The following STX19 variants were observed in gnomAD, a reference collection of about 807,000 sequenced individuals.
STX19 encodes syntaxin 19.
A neutral mutation model predicts 24.3 loss-of-function variants in STX19; 26 were observed. The ratio of observed to expected loss-of-function variants is 1.07; its 90% CI spans 0.78 to 1.48. STX19 has a LOEUF of 1.48. Among genes scored for constraint, STX19 ranks in the 40% most tolerant of loss-of-function variants. The pLI, the probability that STX19 is intolerant of heterozygous loss-of-function variation, is 0.00. For synonymous variants in STX19, 116 were observed against 106.9 expected, an observed-to-expected ratio of 1.09 and a Z score of -0.52; for missense variants, 367 against 331.9, an observed-to-expected ratio of 1.11 and a Z score of -0.82.
intron 1 of STX19, among the ~76,000 whole-genome samples, chr3:94,027,495 G>A (rs2076582254): frequency 6.6e-6 from 1 of 152,012 alleles, no homozygotes. Flanking sequence ...CAAGTAAGCT[G>A]TACATACATA....
intron 1 of STX19, among the ~76,000 whole-genome samples, chr3:94,022,824 A>G (rs1280264135): frequency 6.6e-6 from 1 of 152,126 alleles, no homozygotes. Context: ...ATCAAGAAAC[A>G]TATAACATTT....
In STX19 at chr3:94,015,117, T is replaced by G. The variant is rs1186505976; in HGVS notation, c.153A>C (p.Leu51=). 15 of 1,613,888 alleles carry G rather than the reference T, an allele frequency of 9.3e-6. No homozygotes were observed. Among genetic ancestry groups the G allele is most frequent in the Non-Finnish European group, 1.2e-5 (14 of 1,179,952 alleles). ...YEREPVAERH[L]HEIQKLQESI... ...TTTCCTGTAGTTTTTGGATTTCATG[T>G]AGGTGTCTCTCAGCTACAGGCTCTC... The change falls in exon 2 of 2, where the codon CTA becomes CTC. Residue 51 remains leucine, a synonymous_variant. Transcript: ENST00000315099.
intron 1 of STX19, among the ~76,000 whole-genome samples, chr3:94,024,417 T>C (rs2076513812): frequency 6.6e-6 from 1 of 152,238 alleles, no homozygotes; most frequent in East Asian, 1.9e-4. Flanking sequence ...AATTAAGTCC[T>C]ATATTTATAC....
intron 1 of STX19, among the ~76,000 whole-genome samples, chr3:94,020,180 T>C (rs569902381): frequency 6.6e-6 from 1 of 152,332 alleles, no homozygotes; most frequent in East Asian, 1.9e-4. Flanking sequence ...GTCTTTATTC[T>C]TTCCCAGCAC....
chr3:94,024,752 A>T (rs981651945), intron 1 of STX19, among the ~76,000 whole-genome samples: 2 of 151,902 alleles, frequency 1.3e-5, no homozygotes, highest in Non-Finnish European at 2.9e-5. Context: ...TGCTTGGCTG[A>T]TTTTTTAAAA....
chr3:94,021,957 A>G (rs904023796), intron 1 of STX19, among the ~76,000 whole-genome samples: 6 of 151,950 alleles, frequency 3.9e-5, no homozygotes, highest in Non-Finnish European at 7.4e-5. Context: ...GCTTCTAAAG[A>G]TATATATCTG....
intron 1 of STX19, among the ~76,000 whole-genome samples, chr3:94,016,578 A>T (rs572602358): frequency 9.2e-5 from 14 of 152,196 alleles, no homozygotes; most frequent in African/African-American, 1.4e-4. Flanking sequence ...TTTCGTATCT[A>T]CAGAGTAGAA....
rs186167230 is a variant in STX19, at chr3:94,024,019, A to C, written c.-14+4348T>G. Among the ~76,000 whole-genome samples the C allele has an allele frequency of 2.6e-5, 4 of 152,344 alleles. No individual in the cohort carries two copies. The East Asian group carries it at 7.7e-4, about 29-fold the overall frequency. On this transcript the variant is annotated intron_variant, in intron 1 of 1. Coordinates refer to ENST00000315099, the MANE Select transcript of STX19 (RefSeq NM_001001850.3). ...AATATTGCATTTTATATTTGGTACTATATGGAGATTGATATTCTTATATTT... is the reference window on the plus strand; with the variant it reads ...AATATTGCATTTTATATTTGGTACTCTATGGAGATTGATATTCTTATATTT...
intron 1 of STX19, 128 bp downstream of exon 1, chr3:94,028,239 C>G (rs927319848): frequency 6.6e-6 from 1 of 152,136 alleles, no homozygotes; most frequent in Non-Finnish European, 1.5e-5. Flanking sequence ...ACTGGTACCC[C>G]GGTCCAAATC....
Position 94,015,013 on chromosome 3 carries a change from C to T in STX19, c.257G>A (p.Ser86Asn). ...KSLVASMRRFSLLKRESTITK... is the reference protein window; with the variant it reads ...KSLVASMRRFNLLKRESTITK... ...AATGGTAGACTCTCTCTTAAGTAGA[C>T]TAAACCTTCTCATTGAAGCCACCAG... Residue 86 changes from serine (S) to asparagine (N), a missense_variant, in exon 2 of 2, where the codon AGT (serine) becomes AAT (asparagine). Coordinates refer to ENST00000315099, the MANE Select transcript of STX19 (RefSeq NM_001001850.3). 1 of 1,614,036 alleles carries T rather than the reference C, an allele frequency of 6.2e-7. No homozygotes were observed. The highest frequency in any genetic ancestry group is 1.1e-5 in the South Asian group (1 of 91,066).
chr3:94,016,383 G>A (rs2107497350), intron 1 of STX19, among the ~76,000 whole-genome samples: 1 of 152,216 alleles, frequency 6.6e-6, no homozygotes, highest in African/African-American at 2.4e-5. Flanking sequence ...TAATCTGGAT[G>A]TTGTCATAGG....
chr3:94,014,938 T>A lies in STX19; in HGVS notation c.332A>T (p.Asp111Val). The A allele has an allele frequency of 6.2e-7, 1 of 1,613,836 alleles. No homozygotes were observed. Among genetic ancestry groups the A allele is most frequent in the South Asian group, 1.1e-5 (1 of 90,962 alleles). The change falls in exon 2 of 2, where the codon GAT becomes GTT. Residue 111 changes from aspartate to valine, a missense_variant. Coordinates refer to ENST00000315099, the MANE Select transcript of STX19 (RefSeq NM_001001850.3). ...TGACTTTTTAACTTCTTTAACTAAA[T>A]CATTCAAACTTCTGTTGATGTATTC... ...QAEYINRSLNDLVKEVKKSEV... is the reference protein window; with the variant it reads ...QAEYINRSLNVLVKEVKKSEV...
intron 1 of STX19, among the ~76,000 whole-genome samples, chr3:94,025,517 T>A (rs1484112447): frequency 6.6e-6 from 1 of 152,216 alleles, no homozygotes; most frequent in African/African-American, 2.4e-5. Flanking sequence ...AGGAGTAAAT[T>A]CCTATGTTTG....
intron 1 of STX19, among the ~76,000 whole-genome samples, chr3:94,018,846 A>C (rs1170561492): frequency 6.6e-6 from 1 of 151,046 alleles, no homozygotes; most frequent in Non-Finnish European, 1.5e-5. Flanking sequence ...GCTCACTGCA[A>C]CCTCCGCCGT....
chr3:94,026,492 C>T (rs1415181910), intron 1 of STX19, among the ~76,000 whole-genome samples: 1 of 152,106 alleles, frequency 6.6e-6, no homozygotes, highest in Non-Finnish European at 1.5e-5. Context: ...ATATAAATTA[C>T]ATTTTCTAGT....
In STX19 at chr3:94,014,879, T is replaced by A; in HGVS notation, c.391A>T (p.Arg131Trp). Reference sequence around the variant, plus strand: ...GCAGCATGCTGAGATTTAAGTATCCTTGTGACCACTGAAGATGGACCATTT... The same window carrying A: ...GCAGCATGCTGAGATTTAAGTATCCATGTGACCACTGAAGATGGACCATTT... ...VENGPSSVVTRILKSQHAAMF... is the reference protein window; with the variant it reads ...VENGPSSVVTWILKSQHAAMF... The change falls in exon 2 of 2, where the codon AGG becomes TGG. Residue 131 changes from arginine to tryptophan, a missense_variant. Transcript: ENST00000315099. The A allele has an allele frequency of 6.2e-7, 1 of 1,613,992 alleles. No individual in the cohort carries two copies. Among genetic ancestry groups the A allele is most frequent in the Non-Finnish European group, 8.5e-7 (1 of 1,179,942 alleles).
At chr3:94,016,074 T>G (rs2076328108) in intron 1 of STX19, among the ~76,000 whole-genome samples, 1 of 152,152 alleles carries the variant, frequency 6.6e-6, no homozygotes. Context: ...GGTAGTTATC[T>G]GTAAGAATCA....
intron 1 of STX19, among the ~76,000 whole-genome samples, chr3:94,018,588 A>G (rs1427781067): frequency 2.0e-5 from 3 of 152,080 alleles, no homozygotes; most frequent in Non-Finnish European, 4.4e-5. Flanking sequence ...TTGTAAGCTG[A>G]TGACCCAAAT....
chr3:94,023,135 A>G (rs1430541445), intron 1 of STX19, among the ~76,000 whole-genome samples: 2 of 152,000 alleles, frequency 1.3e-5, no homozygotes, highest in Non-Finnish European at 2.9e-5. Flanking sequence ...CCTTTTCAAA[A>G]CATAAATGCA....
Sources: allele counts gnomAD v4.1 joint callset (sites outside exome capture counted in the v4.1 genomes callset), GRCh38; gene constraint gnomAD v4.1.1; transcripts MANE v1.5; gene names NCBI Gene and HGNC (gene_info 2026-07-23, HGNC 2026-07-21).